GPC5: variants seen among roughly 807,000 people sequenced by gnomAD.
GPC5 encodes glypican 5, also known as glypican-5.
In GPC5, 47 loss-of-function variants were observed where a neutral mutation model predicts 53.9. The ratio of observed to expected loss-of-function variants is 0.87; its 90% CI spans 0.69 to 1.11. GPC5 has a LOEUF of 1.11. Ranked by LOEUF, GPC5 falls within the 50% of genes most tolerant of loss-of-function variation. The pLI is 0.00. For synonymous variants in GPC5, 286 were observed against 263.3 expected (o/e 1.09, Z -0.84); for missense variants, 748 against 713.1 (o/e 1.05, Z -0.56).
At chr13:91,440,487 A>G (rs759922353) in intron 1 of GPC5, among the ~76,000 whole-genome samples, 16 of 152,180 alleles carry the variant, frequency 1.1e-4, no homozygotes, top group Non-Finnish European at 2.4e-4. Flanking sequence ...TCTCTGACCT[A>G]TAATTTATTC....
At chr13:91,497,457 C>T (rs548104432) in intron 2 of GPC5, among the ~76,000 whole-genome samples, 4 of 152,274 alleles carry the variant, frequency 2.6e-5, no homozygotes, top group Admixed American at 2.6e-4. Context: ...GAAGAGATGA[C>T]AATTTTTTAG....
At chr13:92,387,016 A>C (rs995505537) in intron 7 of GPC5, among the ~76,000 whole-genome samples, 8 of 152,048 alleles carry the variant, frequency 5.3e-5, no homozygotes, top group Non-Finnish European at 1.0e-4. Flanking sequence ...ACTTTAGTAG[A>C]ATTAGAACTC....
At chr13:92,071,150 T>C (rs1049438978) in intron 6 of GPC5, among the ~76,000 whole-genome samples, 11 of 152,090 alleles carry the variant, frequency 7.2e-5, no homozygotes, top group Admixed American at 5.2e-4. Context: ...GCAGGAGAAT[T>C]GCTTGAACCT....
Position 91,728,440 on chromosome 13 carries a change from A to G in GPC5, c.1021-92A>G. On this transcript the variant is annotated intron_variant, in intron 3 of 7. Coordinates refer to ENST00000377067, the MANE Select transcript of GPC5 (RefSeq NM_004466.6). ...GATTAATATTGAGGTGAAAGCAAAA[A>G]CGTGTCATTGTTTTGGGCCCTATGA... The G allele has an allele frequency of 4.1e-6, 5 of 1,215,746 alleles. No homozygotes were observed. In the Admixed American group the frequency reaches 9.7e-5, roughly 24 times the overall value. The allele number at this position is 1,215,746 out of a possible 1,614,324, so 75.3% of individuals were successfully genotyped here. A position where few individuals can be genotyped will look rare whatever the true frequency, so the allele number is the denominator to read the frequency against.
At chr13:92,414,870 C>T (rs974655035) in intron 7 of GPC5, among the ~76,000 whole-genome samples, 1 of 152,126 alleles carries the variant, frequency 6.6e-6, no homozygotes, top group Admixed American at 6.5e-5. Context: ...AAAAGCTCTG[C>T]CCTTTTGACC....
chr13:92,016,669 C>G (rs181886983), intron 6 of GPC5, among the ~76,000 whole-genome samples: 1 of 152,084 alleles, frequency 6.6e-6, no homozygotes, highest in Admixed American at 6.5e-5. Flanking sequence ...GTTATTTTGA[C>G]AGCCATTTTA....
At chr13:92,145,097 A>G in intron 7 of GPC5, 108 bp downstream of exon 7, 1 of 1,020,644 alleles carries the variant, frequency 9.8e-7, no homozygotes, top group South Asian at 4.6e-5. Flanking sequence ...AACAAGCAAG[A>G]GGAATTGGAA....
In GPC5 at chr13:91,956,111, C is replaced by T. The variant is rs139513084; in HGVS notation, c.1401+48054C>T. ...CCTCCCCAGTGCCTACCACAGCCACCACCTGTATGCAGCACTGGGGAGCCT... is the reference window on the plus strand; with the variant it reads ...CCTCCCCAGTGCCTACCACAGCCACTACCTGTATGCAGCACTGGGGAGCCT... On this transcript the variant is annotated intron_variant, in intron 6 of 7. Transcript: ENST00000377067. 7.6e-3 allele frequency among the ~76,000 whole-genome samples: 1,164 copies of T among 152,268 alleles called. 5 individuals are homozygous for T. The highest frequency in any genetic ancestry group is 0.017 in the South Asian group (84 of 4,826).
At chr13:91,451,229 G>C (rs910419400) in intron 2 of GPC5, among the ~76,000 whole-genome samples, 2 of 152,112 alleles carry the variant, frequency 1.3e-5, no homozygotes, top group Non-Finnish European at 2.9e-5. Flanking sequence ...TTTTCAAATA[G>C]TTCATTTATA....
chr13:91,853,649 CCAA>C (rs567510713), intron 5 of GPC5, among the ~76,000 whole-genome samples: 21 of 151,994 alleles, frequency 1.4e-4, no homozygotes, highest in Admixed American at 1.1e-3. Flanking sequence ...AGTGTGCTTT[CCAA>C]CAACAACATT....
intron 7 of GPC5, among the ~76,000 whole-genome samples, chr13:92,640,512 G>A (rs1248052465): frequency 2.0e-5 from 3 of 151,986 alleles, no homozygotes; most frequent in Non-Finnish European, 4.4e-5. Flanking sequence ...CACCCGCCTC[G>A]GCCTCCCAAA....
chr13:92,617,999 G>T (rs1334358269), intron 7 of GPC5, among the ~76,000 whole-genome samples: 1 of 152,130 alleles, frequency 6.6e-6, no homozygotes, highest in Admixed American at 6.5e-5. Flanking sequence ...AACACCTAAT[G>T]CTTCAGTTAT....
chr13:91,404,141 G>A (rs916509678), intron 1 of GPC5, among the ~76,000 whole-genome samples: 1 of 152,152 alleles, frequency 6.6e-6, no homozygotes, highest in African/African-American at 2.4e-5. Flanking sequence ...GTGTGTACAT[G>A]TATGTGTGTG....
In GPC5 at chr13:91,458,261, C is replaced by T. The variant is rs149728984; in HGVS notation, c.325+9339C>T. On this transcript the variant is annotated intron_variant, in intron 2 of 7. Transcript: ENST00000377067. Reference sequence around the variant, plus strand: ...ATGTGTGGGGCATACGGAGGGTGATCGGAAAGGATATCACCGAGGCCAGGT... The same window carrying T: ...ATGTGTGGGGCATACGGAGGGTGATTGGAAAGGATATCACCGAGGCCAGGT... Among the ~76,000 whole-genome samples the T allele has an allele frequency of 4.9e-3, 748 of 152,058 alleles. 5 individuals carry two copies. Among genetic ancestry groups the T allele is most frequent in the Non-Finnish European group, 7.9e-3 (536 of 67,966 alleles).
chr13:92,811,601 C>T (rs1019219201), intron 7 of GPC5, among the ~76,000 whole-genome samples: 2 of 151,828 alleles, frequency 1.3e-5, no homozygotes, highest in Non-Finnish European at 2.9e-5. Flanking sequence ...GTCTTTGATG[C>T]AGAAACATTT....
intron 2 of GPC5, among the ~76,000 whole-genome samples, chr13:91,494,028 C>T (rs1009128613): frequency 1.3e-5 from 2 of 151,704 alleles, no homozygotes; most frequent in African/African-American, 4.9e-5. Flanking sequence ...CACCCACCAC[C>T]ACACCCGGCT....
intron 2 of GPC5, among the ~76,000 whole-genome samples, chr13:91,557,078 G>C (rs2030999882): frequency 6.6e-6 from 1 of 152,078 alleles, no homozygotes; most frequent in African/African-American, 2.4e-5. Context: ...AGAGGAGAGA[G>C]TTGCTGGGTC....
chr13:92,685,566 T>TTTTTTTAA, intron 7 of GPC5, among the ~76,000 whole-genome samples: 1 of 143,066 alleles, frequency 7.0e-6, no homozygotes, highest in Non-Finnish European at 1.5e-5. Context: ...TTTAATTTTT[T>TTTTTTTAA]TTTTTTTTAT....
intron 6 of GPC5, among the ~76,000 whole-genome samples, chr13:92,053,787 T>C (rs1355071611): frequency 6.6e-6 from 1 of 152,010 alleles, no homozygotes; most frequent in East Asian, 1.9e-4. Flanking sequence ...TCCAGCACTT[T>C]GGGAGGCCGA....
Sources: allele counts gnomAD v4.1 joint callset (sites outside exome capture counted in the v4.1 genomes callset), GRCh38; gene constraint gnomAD v4.1.1; transcripts MANE v1.5; gene names NCBI Gene and HGNC (gene_info 2026-07-23, HGNC 2026-07-21).